UNC5B: variants seen among roughly 807,000 people sequenced by gnomAD.
The protein encoded by UNC5B is netrin receptor UNC5B.
Under a neutral mutation model 103.7 loss-of-function variants are expected in UNC5B, and 56 were observed. The ratio of observed to expected loss-of-function variants is 0.54; its 90% CI spans 0.44 to 0.67. UNC5B has a LOEUF of 0.67. Among genes scored for constraint, UNC5B ranks in the 30% least tolerant of loss-of-function variants. The probability of loss-of-function intolerance (pLI) is 0.00; values close to 1 mark genes in which losing one functional copy is unlikely to be tolerated. For synonymous variants in UNC5B, 577 were observed against 542.0 expected (o/e 1.06, Z -0.90); for missense variants, 1,194 against 1,284.5 (o/e 0.93, Z 1.08).
chr10:71,247,970 ACCT>A (rs1352934069), intron 1 of UNC5B, among the ~76,000 whole-genome samples: 1 of 151,984 alleles, frequency 6.6e-6, no homozygotes, highest in Non-Finnish European at 1.5e-5. Context: ...CTGCTGATTC[ACCT>A]CCTCCTATGT....
chr10:71,288,862 C>A, intron 7 of UNC5B, 96 bp from the exon 8 acceptor site: 2 of 1,567,592 alleles, frequency 1.3e-6, no homozygotes, highest in South Asian at 1.1e-5. Context: ...GTCCCCCCAC[C>A]ACATCCATCA....
intron 1 of UNC5B, among the ~76,000 whole-genome samples, chr10:71,265,831 C>G (rs80092580): frequency 0.019 from 2,876 of 152,276 alleles, 79 homozygotes; most frequent in African/African-American, 0.066. Context: ...ACCACCCCAC[C>G]CCCACTGCTG....
At chr10:71,256,441 G>A (rs1044992661) in intron 1 of UNC5B, among the ~76,000 whole-genome samples, 18 of 152,380 alleles carry the variant, frequency 1.2e-4, no homozygotes, top group African/African-American at 3.8e-4. Flanking sequence ...ATGGAAGCTC[G>A]AATGGAGGGA....
rs772181278 is a variant in UNC5B, at chr10:71,299,147, C to T, written c.2708C>T (p.Thr903Met). 6.8e-6 allele frequency: 11 copies of T among 1,614,222 alleles called. No individual in the cohort carries two copies. The highest frequency in any genetic ancestry group is 1.7e-5 in the Admixed American group (1 of 60,032). ...TACTTTGCCACCAAAGCGAGCCCCA[C>T]GGGTGTGATCCTGGACCTCTGGGAA... is the stretch of plus-strand genomic sequence containing the variant. ...LNYFATKASP[T>M]GVILDLWEAL... The change falls in exon 17 of 17, where the codon ACG (threonine) becomes ATG (methionine). Residue 903 changes from threonine to methionine, a missense_variant. Thr to Met is a moderately conservative substitution (Grantham distance 81). Coordinates refer to ENST00000335350, the MANE Select transcript of UNC5B (RefSeq NM_170744.5).
chr10:71,284,320 A>G (rs1244246471), intron 2 of UNC5B, among the ~76,000 whole-genome samples: 1 of 152,146 alleles, frequency 6.6e-6, no homozygotes, highest in African/African-American at 2.4e-5. Context: ...GAGGGCCTGG[A>G]AGACACCCGG....
intron 1 of UNC5B, among the ~76,000 whole-genome samples, chr10:71,269,215 G>A (rs1361005894): frequency 6.6e-6 from 1 of 152,020 alleles, no homozygotes; most frequent in Non-Finnish European, 1.5e-5. Context: ...CAGCTGGGGT[G>A]GGAATGGGGC....
chr10:71,259,867 C>T (rs970665952), intron 1 of UNC5B, among the ~76,000 whole-genome samples: 3 of 152,228 alleles, frequency 2.0e-5, no homozygotes, highest in Admixed American at 6.5e-5. Context: ...TGCCCACCTC[C>T]TGAGTTTGGG....
At chr10:71,224,254 GAC>G (rs140760302) in intron 1 of UNC5B, among the ~76,000 whole-genome samples, 1 of 108,560 alleles carries the variant, frequency 9.2e-6, no homozygotes, top group African/African-American at 4.1e-5. Context: ...CACACACACA[GAC>G]ACACACACAC....
chr10:71,288,638 C>T lies in UNC5B; in HGVS notation c.972C>T (p.Arg324=), dbSNP rs531057554. The T allele has an allele frequency of 2.7e-5, 43 of 1,613,844 alleles. No individual in the cohort carries two copies. Among genetic ancestry groups the T allele is most frequent in the African/African-American group, 1.2e-4 (9 of 74,952 alleles). ...CSTECAHWRS[R]ECMAPPPQNG... is the part of the protein sequence containing the mutation. ...CTGAGTGTGCCCACTGGCGTAGCCG[C>T]GAGTGCATGGCGCCCCCACCCCAGA... Residue 324 remains arginine, a synonymous_variant, in exon 7 of 17, where the codon CGC becomes CGT. Transcript: ENST00000335350.
At chr10:71,231,407 C>T (rs1413782159) in intron 1 of UNC5B, among the ~76,000 whole-genome samples, 1 of 152,220 alleles carries the variant, frequency 6.6e-6, no homozygotes, top group African/African-American at 2.4e-5. Flanking sequence ...TCCAATGGCC[C>T]CTCCCCAGAG....
At chr10:71,298,157 G>C (rs1845492546) in intron 16 of UNC5B, 67 bp downstream of exon 16, 1 of 1,513,132 alleles carries the variant, frequency 6.6e-7, no homozygotes. Context: ...GGGGCAGGCA[G>C]GGCAGGCAGC....
chr10:71,228,137 G>A (rs976488846), intron 1 of UNC5B, among the ~76,000 whole-genome samples: 4 of 152,236 alleles, frequency 2.6e-5, no homozygotes, highest in East Asian at 1.9e-4. Flanking sequence ...AATGGTGCTC[G>A]GACTACTGGG....
At chr10:71,277,451 G>A (rs1487807184) in intron 1 of UNC5B, among the ~76,000 whole-genome samples, 1 of 152,250 alleles carries the variant, frequency 6.6e-6, no homozygotes, top group East Asian at 1.9e-4. Flanking sequence ...TGGGTGGTGG[G>A]CATGGAGCCT....
chr10:71,288,869 A>G (rs1227496469), intron 7 of UNC5B, 89 bp from the exon 8 acceptor site: 40 of 1,543,286 alleles, frequency 2.6e-5, no homozygotes, highest in Non-Finnish European at 3.4e-5. Context: ...CACCACATCC[A>G]TCATCTCATC....
intron 1 of UNC5B, among the ~76,000 whole-genome samples, chr10:71,224,739 C>CT (rs1313649911): frequency 6.6e-6 from 1 of 152,228 alleles, no homozygotes; most frequent in Non-Finnish European, 1.5e-5. Context: ...GGTCGGTTTT[C>CT]TTTCCTTTCC....
intron 1 of UNC5B, among the ~76,000 whole-genome samples, chr10:71,229,341 GA>G (rs1257668748): frequency 6.6e-6 from 1 of 152,218 alleles, no homozygotes; most frequent in Non-Finnish European, 1.5e-5. Flanking sequence ...GAGAGCAGAG[GA>G]GACCCTGGGA....
chr10:71,266,779 A>AGTTT (rs1844534146), intron 1 of UNC5B, among the ~76,000 whole-genome samples: 2 of 152,188 alleles, frequency 1.3e-5, no homozygotes, highest in African/African-American at 4.8e-5. Context: ...CCCTGTCCAC[A>AGTTT]GTTTCAGTTA....
At chr10:71,235,085 C>T (rs1271179302) in intron 1 of UNC5B, among the ~76,000 whole-genome samples, 1 of 89,438 alleles carries the variant, frequency 1.1e-5, no homozygotes, top group African/African-American at 3.1e-5. Context: ...GCTGCCGCTG[C>T]CTCTGACTCT....
chr10:71,260,439 G>T (rs1031132005), intron 1 of UNC5B, among the ~76,000 whole-genome samples: 1 of 152,206 alleles, frequency 6.6e-6, no homozygotes, highest in Admixed American at 6.5e-5. Flanking sequence ...CCTAATTAAA[G>T]TGCCCTTATG....
Sources: gnomAD v4.1 joint callset for allele counts (sites outside exome capture counted in the v4.1 genomes callset) on GRCh38, gnomAD v4.1.1 for gene constraint, MANE v1.5 for transcripts, NCBI Gene and HGNC (gene_info 2026-07-23, HGNC 2026-07-21) for gene names.